EIF3D: variants seen among roughly 807,000 people sequenced by gnomAD.
The protein encoded by EIF3D is eukaryotic translation initiation factor 3 subunit D, also known as eIF3 p66.
Under a neutral mutation model 75.4 loss-of-function variants are expected in EIF3D, and 10 were observed. The ratio of observed to expected loss-of-function variants is 0.13; its 90% CI spans 0.08 to 0.22. The LOEUF (loss-of-function observed/expected upper bound fraction) is 0.22, where lower values mean the gene tolerates loss of function less well. Ranked by LOEUF, EIF3D falls within the 10% of genes least tolerant of loss-of-function variation. EIF3D has a pLI of 1.00. For missense variants in EIF3D, 394 were observed against 708.0 expected (o/e 0.56, Z 5.03); for synonymous variants, 246 against 248.3 (o/e 0.99, Z 0.09).
Position 36,516,499 on chromosome 22 carries a change from T to C in EIF3D, c.1185A>G (p.Thr395=), listed in dbSNP as rs1934429015. Residue 395 remains threonine (T), a synonymous_variant, in exon 12 of 15, where the codon ACA becomes ACG. Coordinates refer to ENST00000216190, the MANE Select transcript of EIF3D (RefSeq NM_003753.4). ...NGEVSFINIK[T]LNEWDSRHCN... is the part of the protein sequence containing the mutation. ...TCACCCTGGAATCCCACTCATTGAG[T>C]GTCTTGATGTTGATGAAGGACACTT... 5.6e-6 allele frequency: 9 copies of C among 1,614,026 alleles called. No individual in the cohort carries two copies. The highest frequency in any genetic ancestry group is 6.8e-6 in the Non-Finnish European group (8 of 1,179,952).
intron 4 of EIF3D, 49 bp downstream of exon 4, chr22:36,524,547 G>A: frequency 1.2e-6 from 2 of 1,609,528 alleles, no homozygotes. Flanking sequence ...GCAGGTGATG[G>A]CCAACAGTAA....
chr22:36,526,462 A>G lies in EIF3D; in HGVS notation c.-10-331T>C, dbSNP rs184229130. Among the ~76,000 whole-genome samples, 8 of 152,264 alleles carry G rather than the reference A, an allele frequency of 5.3e-5. No homozygotes were observed. In the East Asian group the frequency reaches 9.6e-4, roughly 18 times the overall value. ...GGTAGTTTTTCTTTTTCTGTGTTAC[A>G]TAAGTGTTTAAAAAAATTTAATGGT... On this transcript the variant is annotated intron_variant, in intron 1 of 14. Transcript: ENST00000216190.
chr22:36,527,289 A>G (rs575075479), intron 1 of EIF3D, among the ~76,000 whole-genome samples: 231 of 152,348 alleles, frequency 1.5e-3, no homozygotes, highest in African/African-American at 5.2e-3. Context: ...CTCTCCAGAT[A>G]AGAAAACCAA....
Position 36,524,614 on chromosome 22 carries a change from A to C in EIF3D, c.288T>G (p.Asn96Lys), listed in dbSNP as rs1934566520. The change falls in exon 4 of 15, where the codon AAT (asparagine) becomes AAG (lysine). Residue 96 changes from asparagine to lysine, a missense_variant. By Grantham distance (94) the Asn-to-Lys change is moderately conservative. Transcript: ENST00000216190. ...ARTQKTAYQR[N>K]RMRFAQRNLR... ...GGCCTACCTGGGCAAATCTCATTCG[A>C]TTCCGCTGGTAGGCCGTCTTCTGTG... is the stretch of plus-strand genomic sequence containing the variant. The C allele has an allele frequency of 6.2e-7, 1 of 1,614,144 alleles. No individual in the cohort carries two copies. The highest frequency in any genetic ancestry group is 8.5e-7 in the Non-Finnish European group (1 of 1,180,042).
chr22:36,519,358 C>T (rs188033131), intron 8 of EIF3D, 47 bp downstream of exon 8: 246 of 1,610,452 alleles, frequency 1.5e-4, no homozygotes, highest in Middle Eastern at 5.0e-4. Context: ...CTGTAGAAGC[C>T]GACAGCATTC....
At chr22:36,525,238 A>AATTTT (rs1569001775) in intron 3 of EIF3D, among the ~76,000 whole-genome samples, 47 of 117,564 alleles carry the variant, frequency 4.0e-4, no homozygotes, top group African/African-American at 4.7e-4. Flanking sequence ...CAGGGGTTTT[A>AATTTT]CTTTTTTTTT....
At position 36,519,549 on chromosome 22, in the gene EIF3D, G is replaced by A. The variant is rs1288189725; in HGVS notation, c.579-12C>T. ...CCCCACAACACTCACTGTGGGAAGA[G>A]CAGGCAAAGACATGCAAAGTAAGAG... On this transcript the variant is annotated splice_polypyrimidine_tract_variant and intron_variant, in intron 7 of 14. Transcript: ENST00000216190. 5 of 1,613,976 alleles carry A rather than the reference G, an allele frequency of 3.1e-6. No homozygotes were observed. The highest frequency in any genetic ancestry group is 4.2e-6 in the Non-Finnish European group (5 of 1,179,982).
intron 12 of EIF3D, 121 bp from the exon 13 acceptor site, chr22:36,512,723 T>A: frequency 8.8e-7 from 1 of 1,139,738 alleles, no homozygotes; most frequent in Non-Finnish European, 1.2e-6. Context: ...AGGTACGCAC[T>A]AAATCTTACC....
intron 7 of EIF3D, among the ~76,000 whole-genome samples, chr22:36,519,876 G>C (rs1439995894): frequency 2.0e-5 from 3 of 152,178 alleles, no homozygotes; most frequent in African/African-American, 7.2e-5. Context: ...CCACCTACTT[G>C]TCCTTTGAGG....
intron 3 of EIF3D, 129 bp downstream of exon 3, chr22:36,525,535 T>C: frequency 9.5e-7 from 1 of 1,053,652 alleles, no homozygotes; most frequent in East Asian, 2.4e-5. Flanking sequence ...CCAGAATACA[T>C]CCCTAAAAGT....
chr22:36,520,820 T>TG (rs1248171776), intron 6 of EIF3D, 132 bp from the exon 7 acceptor site: 1 of 582,370 alleles, frequency 1.7e-6, no homozygotes, highest in Non-Finnish European at 3.0e-6. Flanking sequence ...TTTGGGAAGC[T>TG]GGGGCAGGAT....
chr22:36,528,219 T>C (rs1321245387), intron 1 of EIF3D, among the ~76,000 whole-genome samples: 1 of 152,130 alleles, frequency 6.6e-6, no homozygotes, highest in African/African-American at 2.4e-5. Flanking sequence ...TCCAGCCTTC[T>C]TTCCATTATA....
intron 8 of EIF3D, 43 bp downstream of exon 8, chr22:36,519,362 A>G: frequency 6.2e-7 from 1 of 1,611,668 alleles, no homozygotes; most frequent in Non-Finnish European, 8.5e-7. Context: ...AGAAGCCGAC[A>G]GCATTCCTAA....
At chr22:36,517,588 C>T (rs367974562) in intron 9 of EIF3D, 157 bp from the exon 10 acceptor site, 124 of 736,468 alleles carry the variant, frequency 1.7e-4, no homozygotes, top group African/African-American at 1.3e-3. Flanking sequence ...AACACATAAG[C>T]GGGGGAGTGG....
intron 14 of EIF3D, 33 bp downstream of exon 14, chr22:36,511,470 A>G (rs1476882342): frequency 5.0e-6 from 8 of 1,608,796 alleles, no homozygotes; most frequent in African/African-American, 1.3e-5. Flanking sequence ...CCCACAGATC[A>G]CTCTAGACCT....
intron 4 of EIF3D, among the ~76,000 whole-genome samples, 183 bp downstream of exon 4, chr22:36,524,413 C>T (rs1179301768): frequency 1.3e-5 from 2 of 152,180 alleles, no homozygotes; most frequent in African/African-American, 2.4e-5. Flanking sequence ...TATTTAAATG[C>T]ATCCCTGATC....
At chr22:36,524,115 C>A in intron 4 of EIF3D, 135 bp from the exon 5 acceptor site, 1 of 875,272 alleles carries the variant, frequency 1.1e-6, no homozygotes, top group Non-Finnish European at 1.9e-6. Context: ...TGCTTTCACT[C>A]TACGGCATCA....
intron 13 of EIF3D, 126 bp downstream of exon 13, chr22:36,512,334 C>G: frequency 7.2e-7 from 1 of 1,385,524 alleles, no homozygotes; most frequent in Non-Finnish European, 9.9e-7. Flanking sequence ...CCCTCCATCT[C>G]TACCCCACCC....
chr22:36,510,943 C>T lies in EIF3D; in HGVS notation c.*44G>A, dbSNP rs374331596. The T allele has an allele frequency of 2.2e-5, 35 of 1,587,194 alleles. No individual in the cohort carries two copies. Among genetic ancestry groups the T allele is most frequent in the Middle Eastern group, 1.7e-4 (1 of 5,934 alleles). ...CATTCCACTAAGCATCAAAGGCCCT[C>T]GTAGTCTCGGTGGAAGGACAAACTC... On this transcript the variant is annotated 3_prime_UTR_variant, in exon 15 of 15. Transcript: ENST00000216190.
Sources: gnomAD v4.1 joint callset for allele counts (sites outside exome capture counted in the v4.1 genomes callset) on GRCh38, gnomAD v4.1.1 for gene constraint, MANE v1.5 for transcripts, NCBI Gene and HGNC (gene_info 2026-07-23, HGNC 2026-07-21) for gene names.